Variants in SPTA1 observed in about 807,000 individuals in gnomAD.
The protein encoded by SPTA1 is spectrin alpha chain, erythrocytic 1.
In SPTA1, 177 loss-of-function variants were observed where a neutral mutation model predicts 324.7. That is an observed-to-expected ratio of 0.55 (90% CI 0.48 to 0.62). The LOEUF (loss-of-function observed/expected upper bound fraction) is 0.62, where lower values mean the gene tolerates loss of function less well. Ranked by LOEUF, SPTA1 falls within the 20% of genes least tolerant of loss-of-function variation. The pLI, the probability that SPTA1 is intolerant of heterozygous loss-of-function variation, is 0.00. For synonymous variants in SPTA1, 1,195 were observed against 1,041.3 expected, an observed-to-expected ratio of 1.15 and a Z score of -2.84; for missense variants, 3,162 against 2,883.6, an observed-to-expected ratio of 1.10 and a Z score of -2.21.
intron 36 of SPTA1, among the ~76,000 whole-genome samples, 184 bp from the exon 37 acceptor site, chr1:158,636,945 T>A (rs1321028305): frequency 6.6e-6 from 1 of 152,224 alleles, no homozygotes; most frequent in Non-Finnish European, 1.5e-5. Flanking sequence ...AACTTCTGAC[T>A]GAGCCAATAC....
At position 158,656,572 on chromosome 1, in the gene SPTA1, C is replaced by A. The variant is rs1011999071; in HGVS notation, c.2890G>T (p.Ala964Ser). The A allele has an allele frequency of 9.9e-6, 16 of 1,613,522 alleles. No individual in the cohort carries two copies. The highest frequency in any genetic ancestry group is 1.3e-5 in the Non-Finnish European group (15 of 1,179,736). ...SMKALRNQAN[A>S]CQQQQAAPVE... ...CGCTAAGTTAGTCTTACCTGGCAGG[C>A]GTTTGCCTGATTCCGCAGAGCTTTC... Residue 964 changes from alanine (A) to serine (S), a missense_variant, in exon 20 of 52, where the codon GCC becomes TCC. By Grantham distance (99) the Ala-to-Ser change is moderately conservative. Coordinates refer to ENST00000643759, the MANE Select transcript of SPTA1 (RefSeq NM_003126.4).
At chr1:158,661,465 T>C (rs754829913) in intron 17 of SPTA1, 56 bp from the exon 18 acceptor site, 24 of 1,611,612 alleles carry the variant, frequency 1.5e-5, no homozygotes, top group Non-Finnish European at 1.9e-5. Flanking sequence ...GGAAGTAGCA[T>C]ACCTCACTTT....
At chr1:158,650,424 A>G (rs965632775) in intron 24 of SPTA1, among the ~76,000 whole-genome samples, 1 of 152,164 alleles carries the variant, frequency 6.6e-6, no homozygotes, top group Non-Finnish European at 1.5e-5. Context: ...ACAGGCAGAA[A>G]ACTCATCCTC....
Position 158,611,124 on chromosome 1 carries a change from A to AGCACAC in SPTA1, c.*139_*140insGTGTGC. On this transcript the variant is annotated 3_prime_UTR_variant, in exon 52 of 52. Coordinates refer to ENST00000643759, the MANE Select transcript of SPTA1 (RefSeq NM_003126.4). ...CTACAATAAATGTAATATGCACACA[A>AGCACAC]ACACAAGCACACACACACACACACA... 9.8e-7 allele frequency: 1 copy of AGCACAC among 1,022,518 alleles called. No homozygotes were observed. Among genetic ancestry groups the AGCACAC allele is most frequent in the South Asian group, 1.4e-5 (1 of 70,372 alleles). 63.3% of individuals were successfully genotyped at this position (1,022,518 alleles called of 1,614,324 possible). A position where few individuals can be genotyped will look rare whatever the true frequency, so the allele number is the denominator to read the frequency against.
chr1:158,664,984 C>T (rs569428934), intron 16 of SPTA1, among the ~76,000 whole-genome samples: 1 of 152,230 alleles, frequency 6.6e-6, no homozygotes, highest in African/African-American at 2.4e-5. Flanking sequence ...AAACTTTGGG[C>T]TAGAAGATAT....
In SPTA1 at chr1:158,636,009, A is replaced by C. The variant is rs577123327; in HGVS notation, c.5336T>G (p.Leu1779Arg). Residue 1779 changes from leucine (L) to arginine (R), a missense_variant, in exon 38 of 52, where the codon CTG (leucine) becomes CGG (arginine). Coordinates refer to ENST00000643759, the MANE Select transcript of SPTA1 (RefSeq NM_003126.4). ...IQNVLDMAEK[L>R]KDKAAVGQEE... ...TTGCCCCACAGCAGCCTTGTCTTTC[A>C]GCTTCTCTGCCATATCCAGCACATT... is the stretch of plus-strand genomic sequence containing the variant. 2 of 1,614,036 alleles carry C rather than the reference A, an allele frequency of 1.2e-6. No individual in the cohort carries two copies. The highest frequency in any genetic ancestry group is 4.5e-5 in the East Asian group (2 of 44,884).
In SPTA1 at chr1:158,654,763, G is replaced by T; in HGVS notation, c.2899-15C>A. 1.2e-6 allele frequency: 2 copies of T among 1,612,968 alleles called. No homozygotes were observed. The highest frequency in any genetic ancestry group is 1.7e-6 in the Non-Finnish European group (2 of 1,179,868). ...GCCTGTTGTTGCTGAATAAAAACAG[G>T]AAGCAGGTGTCAGTCACGCACTGGA... On this transcript the variant is annotated splice_polypyrimidine_tract_variant and intron_variant, in intron 20 of 51. Transcript: ENST00000643759.
chr1:158,675,897 T>A (rs1195988948), intron 8 of SPTA1, among the ~76,000 whole-genome samples: 1 of 152,170 alleles, frequency 6.6e-6, no homozygotes, highest in Non-Finnish European at 1.5e-5. Flanking sequence ...TACTGGAATT[T>A]TCCATTTAAC....
chr1:158,647,581 A>T lies in SPTA1; in HGVS notation c.3854T>A (p.Leu1285Gln). The stretch of plus-strand genomic sequence containing the variant: ...CAGGTAGAATTTCTGGGCCTCATTT[A>T]GGCTCTCCTTACGATCCTTTGTACG... ...QGRTKDRKES[L>Q]NEAQKFYLFL... Residue 1285 changes from leucine to glutamine, a missense_variant, in exon 27 of 52, where the codon CTA becomes CAA. Physicochemically the swap from Leu to Gln is moderately radical, Grantham distance 113. Transcript: ENST00000643759. 5.6e-6 allele frequency: 9 copies of T among 1,613,782 alleles called. No homozygotes were observed. Among genetic ancestry groups the T allele is most frequent in the Non-Finnish European group, 7.6e-6 (9 of 1,179,874 alleles).
At chr1:158,612,750 C>G in intron 51 of SPTA1, 67 bp downstream of exon 51, 2 of 1,589,662 alleles carry the variant, frequency 1.3e-6, no homozygotes, top group Non-Finnish European at 1.7e-6. Flanking sequence ...AGTAGGCCAC[C>G]GGGCCTGAGA....
At chr1:158,650,050 T>A (rs1196433862) in intron 24 of SPTA1, 103 bp from the exon 25 acceptor site, 1 of 838,320 alleles carries the variant, frequency 1.2e-6, no homozygotes, top group Non-Finnish European at 2.0e-6. Context: ...GTTTTTACGT[T>A]ATTTTCTTCA....
rs1350812621 is a variant in SPTA1, at chr1:158,634,589, G to A, written c.5519C>T (p.Ala1840Val). Residue 1840 changes from alanine (A) to valine (V), a missense_variant, in exon 39 of 52, where the codon GCT (alanine) becomes GTT (valine). Transcript: ENST00000643759. ...TCCACAATCTCCTCGGACAGCCAAA[G>A]CATTCTTTTCATTGATCCAAGCTTC... ...EEEAWINEKNALAVRGDCGDT... is the reference protein window; with the variant it reads ...EEEAWINEKNVLAVRGDCGDT... 6.2e-7 allele frequency: 1 copy of A among 1,613,980 alleles called. No homozygotes were observed. Among genetic ancestry groups the A allele is most frequent in the Non-Finnish European group, 8.5e-7 (1 of 1,180,050 alleles).
At chr1:158,635,847 T>C in intron 38 of SPTA1, 66 bp downstream of exon 38, 5 of 1,611,926 alleles carry the variant, frequency 3.1e-6, no homozygotes, top group Non-Finnish European at 4.2e-6. Context: ...CACTTAAGTA[T>C]CCTCCCAACA....
At chr1:158,651,909 C>CTCTG (rs972758420) in intron 23 of SPTA1, among the ~76,000 whole-genome samples, 2,992 of 145,042 alleles carry the variant, frequency 0.021, 81 homozygotes, top group African/African-American at 0.066. Flanking sequence ...CTCTCTCTCT[C>CTCTG]TGTGTGTGTG....
At position 158,643,007 on chromosome 1, in the gene SPTA1, C is replaced by T. The variant is rs755811751; in HGVS notation, c.4443-31G>A. 10 of 1,612,596 alleles carry T rather than the reference C, an allele frequency of 6.2e-6. No homozygotes were observed. In the Admixed American group the frequency reaches 1.0e-4, roughly 16 times the overall value. ...GGACGGAGCCAAATCACTCTATGCCCTCCTCCACCCTTCCCATGCTCTGAT... is the reference window on the plus strand; with the variant it reads ...GGACGGAGCCAAATCACTCTATGCCTTCCTCCACCCTTCCCATGCTCTGAT... On this transcript the variant is annotated intron_variant, in intron 31 of 51. Transcript: ENST00000643759.
Position 158,672,053 on chromosome 1 carries a change from C to G in SPTA1, c.1488+6G>C. On this transcript the variant is annotated splice_donor_region_variant and intron_variant, in intron 11 of 51. Transcript: ENST00000643759. ...TTCTAGAGATGGTATGGACCCCTCC[C>G]GTTACCTCTTGTCTACTCATCCAAC... is the stretch of plus-strand genomic sequence containing the variant. 1 of 1,613,772 alleles carries G rather than the reference C, an allele frequency of 6.2e-7. No homozygotes were observed. Among genetic ancestry groups the G allele is most frequent in the African/African-American group, 1.3e-5 (1 of 75,008 alleles).
At chr1:158,653,524 A>G (rs1652615273) in intron 21 of SPTA1, 99 bp from the exon 22 acceptor site, 2 of 1,524,056 alleles carry the variant, frequency 1.3e-6, no homozygotes, top group African/African-American at 2.7e-5. Flanking sequence ...GCACAGGTTA[A>G]TGGCAAAGAT....
chr1:158,643,588 T>G (rs1005863356), intron 30 of SPTA1, among the ~76,000 whole-genome samples, 163 bp from the exon 31 acceptor site: 2 of 152,122 alleles, frequency 1.3e-5, no homozygotes, highest in Non-Finnish European at 2.9e-5. Context: ...TTCAACTTAA[T>G]AGGAGGAGAA....
Position 158,639,922 on chromosome 1 carries a change from C to G in SPTA1, c.4823G>C (p.Arg1608Pro), listed in dbSNP as rs781244377. ...GATGCTTGTGTTGAACCTCTGTTGA[C>G]GACTGGCCTCATTGAGCTTCTTCCC... ...DKGKKLNEAS[R>P]QQRFNTSIRD... The change falls in exon 34 of 52, where the codon CGT (arginine) becomes CCT (proline). Residue 1608 changes from arginine to proline, a missense_variant. Physicochemically the swap from Arg to Pro is moderately radical, Grantham distance 103 (BLOSUM62 -2). Transcript: ENST00000643759. 6 of 1,613,798 alleles carry G rather than the reference C, an allele frequency of 3.7e-6. No individual in the cohort carries two copies. Among genetic ancestry groups the G allele is most frequent in the Non-Finnish European group, 5.1e-6 (6 of 1,179,914 alleles).
Sources: allele counts gnomAD v4.1 joint callset (sites outside exome capture counted in the v4.1 genomes callset), GRCh38; gene constraint gnomAD v4.1.1; transcripts MANE v1.5; gene names NCBI Gene and HGNC (gene_info 2026-07-23, HGNC 2026-07-21).